Variants in MAPK6 observed in about 807,000 individuals in gnomAD.
The protein encoded by MAPK6 is ERK-3.
MAPK6 carries 19 observed loss-of-function variants against 59.3 expected under a neutral mutation model. The ratio of observed to expected loss-of-function variants is 0.32; its 90% CI spans 0.22 to 0.47. The LOEUF is 0.47. MAPK6 is among the 20% of genes least tolerant of loss of function. MAPK6 has a pLI of 1.00. For missense variants in MAPK6, 724 were observed against 847.9 expected (o/e 0.85, Z 1.81); for synonymous variants, 316 against 290.3 (o/e 1.09, Z -0.90).
At chr15:52,007,824 C>G (rs1017182890) in intron 3 of MAPK6, among the ~76,000 whole-genome samples, 6 of 150,634 alleles carry the variant, frequency 4.0e-5, no homozygotes, top group African/African-American at 1.5e-4. Flanking sequence ...CTACACAAAA[C>G]TACCTCAACT....
chr15:52,027,609 T>A (rs968211870), intron 1 of MAPK6: 1 of 137,840 alleles, frequency 7.3e-6, no homozygotes, highest in East Asian at 2.0e-4. Context: ...ACTTTTTTTT[T>A]AATCTTAATT....
intron 2 of MAPK6, among the ~76,000 whole-genome samples, chr15:51,992,584 G>A (rs1309998199): frequency 5.3e-5 from 8 of 151,906 alleles, no homozygotes; most frequent in African/African-American, 7.3e-5. Flanking sequence ...GATTACAAGC[G>A]TGAGCCACCA....
chr15:52,058,193 C>G (rs531976415), intron 3 of MAPK6, among the ~76,000 whole-genome samples: 1 of 152,316 alleles, frequency 6.6e-6, no homozygotes, highest in African/African-American at 2.4e-5. Context: ...TGAGCCCTAA[C>G]ATAGAACTAT....
At chr15:52,040,245 G>A (rs1053521366) in intron 1 of MAPK6, among the ~76,000 whole-genome samples, 3 of 152,214 alleles carry the variant, frequency 2.0e-5, no homozygotes, top group Non-Finnish European at 1.5e-5. Context: ...GTGAATATAA[G>A]AAAAGCTCAA....
At chr15:51,975,135 A>C (rs1003207315) in intron 1 of MAPK6, among the ~76,000 whole-genome samples, 1 of 151,968 alleles carries the variant, frequency 6.6e-6, no homozygotes, top group Admixed American at 6.6e-5. Context: ...AGATCCTCAG[A>C]ATAATATCTT....
At position 52,064,082 on chromosome 15, in the gene MAPK6, T is replaced by C; in HGVS notation, c.1248T>C (p.Asp416=). The C allele has an allele frequency of 8.1e-6, 13 of 1,612,740 alleles. No homozygotes were observed. The highest frequency in any genetic ancestry group is 1.1e-5 in the Non-Finnish European group (13 of 1,179,278). The change falls in exon 6 of 6, where the codon GAT becomes GAC. Residue 416 remains aspartate, a synonymous_variant. Coordinates refer to ENST00000261845, the MANE Select transcript of MAPK6 (RefSeq NM_002748.4). ...REKYLEDPAF[D]TNYSTEPCWQ... ...AGTATCTGGAGGATCCTGCTTTTGATACCAATTACTCTACTGAGCCTTGTT... is the reference window on the plus strand; with the variant it reads ...AGTATCTGGAGGATCCTGCTTTTGACACCAATTACTCTACTGAGCCTTGTT...
intron 3 of MAPK6, among the ~76,000 whole-genome samples, chr15:52,011,993 G>T (rs963886891): frequency 2.6e-5 from 4 of 152,160 alleles, no homozygotes; most frequent in African/African-American, 9.7e-5. Context: ...GGTGGCCATT[G>T]TTTTCTGATT....
At chr15:52,060,743 G>GT (rs879708099) in intron 4 of MAPK6, among the ~76,000 whole-genome samples, 20 of 152,296 alleles carry the variant, frequency 1.3e-4, no homozygotes, top group Admixed American at 5.2e-4. Context: ...CTATGCTGGA[G>GT]TGTGATGTGA....
At chr15:51,991,748 T>C (rs545635921) in intron 2 of MAPK6, among the ~76,000 whole-genome samples, 1 of 152,342 alleles carries the variant, frequency 6.6e-6, no homozygotes, top group Admixed American at 6.5e-5. Context: ...TTGAACGATA[T>C]GTAGGTCAAA....
At chr15:51,985,826 T>C (rs1169508009) in intron 2 of MAPK6, among the ~76,000 whole-genome samples, 1 of 151,084 alleles carries the variant, frequency 6.6e-6, no homozygotes, top group Non-Finnish European at 1.5e-5. Context: ...GGCATGGTGG[T>C]GGGCGCCTGT....
intron 2 of MAPK6, among the ~76,000 whole-genome samples, chr15:51,992,312 T>A (rs1483417256): frequency 7.1e-6 from 1 of 140,724 alleles, no homozygotes; most frequent in African/African-American, 2.8e-5. Flanking sequence ...TATATTTTTT[T>A]TTTTTTTGAG....
upstream of MAPK6, among the ~76,000 whole-genome samples, chr15:52,015,857 A>G (rs1375864434): frequency 2.1e-5 from 3 of 142,042 alleles, no homozygotes; most frequent in Non-Finnish European, 4.6e-5. Context: ...CAGGAGTTCA[A>G]GACCAGCCTG....
intron 2 of MAPK6, among the ~76,000 whole-genome samples, chr15:51,995,957 G>GA (rs201060110): frequency 0.014 from 2,113 of 151,472 alleles, 62 homozygotes; most frequent in African/African-American, 0.049. Context: ...AAGAAAGAAG[G>GA]AAAAAAACAA....
intron 3 of MAPK6, among the ~76,000 whole-genome samples, chr15:52,006,351 A>C (rs1034145657): frequency 2.0e-5 from 3 of 152,228 alleles, no homozygotes; most frequent in African/African-American, 4.8e-5. Context: ...CAGGTCATAG[A>C]AAGAGGTAAC....
chr15:52,014,867 TTTC>T (rs1051140252), upstream of MAPK6, among the ~76,000 whole-genome samples: 1 of 152,258 alleles, frequency 6.6e-6, no homozygotes, highest in African/African-American at 2.4e-5. Flanking sequence ...ATGTTTGCCC[TTTC>T]TTCTGGGCAA....
rs1419318594 is a variant in MAPK6, at chr15:52,064,904, T to G, written c.2070T>G (p.Leu690=). 1.9e-6 allele frequency: 3 copies of G among 1,611,960 alleles called. No homozygotes were observed. The highest frequency in any genetic ancestry group is 2.5e-6 in the Non-Finnish European group (3 of 1,179,830). The change falls in exon 6 of 6, where the codon CTT becomes CTG. Residue 690 remains leucine (L), a synonymous_variant. Transcript: ENST00000261845. The part of the protein sequence containing the change: ...PQFHSPVGSP[L]KSIQATLTPS... ...TTCACAGTCCAGTTGGGTCACCACT[T>G]AAGTCAATACAGGCCACATTAACAC...
At chr15:52,034,172 A>G (rs1032496137) in intron 1 of MAPK6, among the ~76,000 whole-genome samples, 1 of 151,722 alleles carries the variant, frequency 6.6e-6, no homozygotes, top group Non-Finnish European at 1.5e-5. Context: ...TTTGGTAGAG[A>G]CAGAGTTTCA....
At chr15:52,055,079 C>G (rs1232150180) in intron 3 of MAPK6, among the ~76,000 whole-genome samples, 2 of 152,192 alleles carry the variant, frequency 1.3e-5, no homozygotes, top group African/African-American at 4.8e-5. Flanking sequence ...CGTGTCCGGC[C>G]AAGTGGACAC....
At chr15:52,005,481 C>T (rs767340657) in intron 3 of MAPK6, among the ~76,000 whole-genome samples, 86 of 151,480 alleles carry the variant, frequency 5.7e-4, no homozygotes, top group Admixed American at 2.6e-4. Context: ...GAGCCAAGAT[C>T]GCACCACTGC....
Sources: allele counts gnomAD v4.1 joint callset (sites outside exome capture counted in the v4.1 genomes callset), GRCh38; gene constraint gnomAD v4.1.1; transcripts MANE v1.5; gene names NCBI Gene and HGNC (gene_info 2026-07-23, HGNC 2026-07-21).